The following EMILIN2 variants were observed in gnomAD, a reference collection of about 807,000 sequenced individuals.
The protein encoded by EMILIN2 is elastin microfibril interfacer 2.
Under a neutral mutation model 87.1 loss-of-function variants are expected in EMILIN2, and 71 were observed. The observed-to-expected ratio is 0.82, with a 90% CI of 0.67 to 0.99. EMILIN2 has a LOEUF of 0.99. Ranked by LOEUF, EMILIN2 falls within the 50% of genes least tolerant of loss-of-function variation. The pLI, the probability that EMILIN2 is intolerant of heterozygous loss-of-function variation, is 0.00. For synonymous variants in EMILIN2, 581 were observed against 563.4 expected (o/e 1.03, Z -0.44); for missense variants, 1,407 against 1,371.8 (o/e 1.03, Z -0.40).
chr18:2,902,775 C>T (rs1481805658), intron 4 of EMILIN2, among the ~76,000 whole-genome samples: 2 of 152,066 alleles, frequency 1.3e-5, no homozygotes, highest in East Asian at 3.9e-4. Flanking sequence ...ATGAAGGATC[C>T]AAGCAATATT....
intron 4 of EMILIN2, among the ~76,000 whole-genome samples, chr18:2,905,780 T>TG (rs1160071409): frequency 6.3e-4 from 72 of 113,428 alleles, no homozygotes; most frequent in African/African-American, 2.8e-3. Context: ...TTTTTGTTTT[T>TG]TTGTTTTTTT....
At chr18:2,908,000 G>A (rs1198581145) in intron 5 of EMILIN2, among the ~76,000 whole-genome samples, 2 of 152,208 alleles carry the variant, frequency 1.3e-5, no homozygotes, top group Non-Finnish European at 2.9e-5. Context: ...GGCCCCTGAT[G>A]CCCACGGCTG....
intron 2 of EMILIN2, among the ~76,000 whole-genome samples, chr18:2,857,020 G>C (rs1340330757): frequency 6.6e-6 from 1 of 152,166 alleles, no homozygotes; most frequent in East Asian, 1.9e-4. Flanking sequence ...CAAATTCCTG[G>C]TTCGAAAATG....
Position 2,915,519 on chromosome 18 carries a change from A to G in EMILIN2, c.*2115A>G, listed in dbSNP as rs930467622. 9 of 137,656 alleles carry G rather than the reference A, an allele frequency of 6.5e-5. No individual in the cohort carries two copies. The highest frequency in any genetic ancestry group is 2.3e-4 in the African/African-American group (9 of 38,658). 8.5% of individuals were successfully genotyped at this position (137,656 alleles called of 1,614,324 possible). A position where few individuals can be genotyped will look rare whatever the true frequency, so the allele number is the denominator to read the frequency against. ...CTGAGACAGAATCAGGCACAAGTTC[A>G]CAACTTTTTTTTTTTTTTGGGGGGA... is the stretch of plus-strand genomic sequence containing the variant. On this transcript the variant is annotated 3_prime_UTR_variant, in exon 8 of 8. Transcript: ENST00000254528.
intron 4 of EMILIN2, among the ~76,000 whole-genome samples, chr18:2,900,265 A>G (rs1959773801): frequency 6.6e-6 from 1 of 152,220 alleles, no homozygotes; most frequent in South Asian, 2.1e-4. Context: ...ATATCTCACT[A>G]CAGCCTTGAA....
Position 2,904,192 on chromosome 18 carries a change from T to C in EMILIN2, c.2360-2591T>C, listed in dbSNP as rs75504566. Among the ~76,000 whole-genome samples the C allele has an allele frequency of 6.1e-3, 923 of 152,372 alleles. 9 individuals are homozygous for C. Among genetic ancestry groups the C allele is most frequent in the African/African-American group, 0.021 (878 of 41,580 alleles). On this transcript the variant is annotated intron_variant, in intron 4 of 7. Transcript: ENST00000254528. Reference sequence around the variant, plus strand: ...CCAATACTGTTGAGAAGCCTGGTGATGCCTTCCTGATTTGCAGTCACTTTT... The same window carrying C: ...CCAATACTGTTGAGAAGCCTGGTGACGCCTTCCTGATTTGCAGTCACTTTT...
chr18:2,874,685 C>G (rs2076738748), intron 2 of EMILIN2, among the ~76,000 whole-genome samples: 1 of 152,136 alleles, frequency 6.6e-6, no homozygotes, highest in African/African-American at 2.4e-5. Flanking sequence ...AAATTTGAAA[C>G]TAGGTTATAA....
chr18:2,885,088 A>G lies in EMILIN2; in HGVS notation c.382A>G (p.Thr128Ala), dbSNP rs1568470229. The G allele has an allele frequency of 1.2e-6, 2 of 1,613,186 alleles. No individual in the cohort carries two copies. The highest frequency in any genetic ancestry group is 2.2e-5 in the South Asian group (2 of 90,884). ...CQEGPKDPVK[T>A]LRPTPARPRN... ...AGAAGGTCCCAAAGACCCCGTGAAG[A>G]CCCTCCGCCCCACGCCGGCTCGGCC... Residue 128 changes from threonine (T) to alanine (A), a missense_variant, in exon 3 of 8, where the codon ACC (threonine) becomes GCC (alanine). Coordinates refer to ENST00000254528, the MANE Select transcript of EMILIN2 (RefSeq NM_032048.3).
rs767570344 is a variant in EMILIN2 at position 2,847,927 on chromosome 18, C to T, written c.253C>T (p.Leu85=). Reference sequence around the variant, plus strand: ...GAACCAGATGCCCTGTCCGTCGGCGCTGGTGTAAGTCCTGGAGCCGGGGAG... The same window carrying T: ...GAACCAGATGCCCTGTCCGTCGGCGTTGGTGTAAGTCCTGGAGCCGGGGAG... ...AWNQMPCPSA[L]VYRVNFRPRY... The change falls in exon 2 of 8, where the codon CTG becomes TTG. Residue 85 remains leucine (L), a synonymous_variant. Coordinates refer to ENST00000254528, the MANE Select transcript of EMILIN2 (RefSeq NM_032048.3). This position sits in a 1 kb window ranked among gnomAD's most constrained non-coding sequence, Gnocchi z 4.5. 1.3e-6 allele frequency: 2 copies of T among 1,592,302 alleles called. No individual in the cohort carries two copies. Among genetic ancestry groups the T allele is most frequent in the South Asian group, 2.2e-5 (2 of 90,814 alleles).
At chr18:2,892,926 C>T (rs1383154450) in intron 4 of EMILIN2, among the ~76,000 whole-genome samples, 1 of 150,850 alleles carries the variant, frequency 6.6e-6, no homozygotes, top group African/African-American at 2.4e-5. Context: ...GTGGCACGCG[C>T]CTGTAGTCCC....
chr18:2,913,048 T>C lies in EMILIN2; in HGVS notation c.2825-19T>C, dbSNP rs760782367. The C allele has an allele frequency of 6.2e-7, 1 of 1,604,086 alleles. No individual in the cohort carries two copies. The highest frequency in any genetic ancestry group is 1.3e-5 in the African/African-American group (1 of 74,742). The stretch of plus-strand genomic sequence containing the variant: ...GTGACGACAGCAGGTGAGCACAGGG[T>C]TTGCCTTTCTCCCCGCAGGGGTCTT... On this transcript the variant is annotated intron_variant, in intron 7 of 7. Coordinates refer to ENST00000254528, the MANE Select transcript of EMILIN2 (RefSeq NM_032048.3).
chr18:2,866,354 C>A (rs991201156), intron 2 of EMILIN2, among the ~76,000 whole-genome samples: 6 of 152,332 alleles, frequency 3.9e-5, no homozygotes, highest in African/African-American at 1.2e-4. Context: ...TCTATGATTT[C>A]TTTCAGCAGT....
In EMILIN2 at chr18:2,907,095, G is replaced by A. The variant is rs902106484; in HGVS notation, c.2662+10G>A. ...TTCGCGGGCGCACCAGGTGAGGCCC[G>A]GGGCTGCGCGGGGAGGAGCGCGGGG... is the stretch of plus-strand genomic sequence containing the variant. On this transcript the variant is annotated intron_variant, in intron 5 of 7. Coordinates refer to ENST00000254528, the MANE Select transcript of EMILIN2 (RefSeq NM_032048.3). The A allele has an allele frequency of 1.4e-5, 17 of 1,235,466 alleles. No homozygotes were observed. The African/African-American group carries it at 2.3e-4, about 17-fold the overall frequency. The allele number at this position is 1,235,466 out of a possible 1,614,324, so 76.5% of individuals were successfully genotyped here. A position where few individuals can be genotyped will look rare whatever the true frequency, so the allele number is the denominator to read the frequency against.
intron 2 of EMILIN2, among the ~76,000 whole-genome samples, chr18:2,856,267 A>G (rs1319033241): frequency 1.3e-5 from 2 of 152,200 alleles, no homozygotes; most frequent in Non-Finnish European, 2.9e-5. Context: ...TAGAAATTGC[A>G]CTGGAAGCCG....
At chr18:2,866,531 T>A (rs1024098326) in intron 2 of EMILIN2, among the ~76,000 whole-genome samples, 2 of 152,258 alleles carry the variant, frequency 1.3e-5, no homozygotes, top group Non-Finnish European at 2.9e-5. Flanking sequence ...AACTACTGAT[T>A]TGTGTACATT....
At chr18:2,867,552 C>G (rs1047653136) in intron 2 of EMILIN2, among the ~76,000 whole-genome samples, 7 of 152,120 alleles carry the variant, frequency 4.6e-5, no homozygotes, top group East Asian at 1.9e-4. Context: ...GGTGATGACT[C>G]TCAACGAGCA....
At chr18:2,895,954 C>A (rs1598501711) in intron 4 of EMILIN2, among the ~76,000 whole-genome samples, 1 of 152,164 alleles carries the variant, frequency 6.6e-6, no homozygotes, top group Admixed American at 6.5e-5. Context: ...CGGGAACACA[C>A]ACTGTGGTGT....
At chr18:2,872,135 A>G (rs548480127) in intron 2 of EMILIN2, among the ~76,000 whole-genome samples, 1 of 152,338 alleles carries the variant, frequency 6.6e-6, no homozygotes, top group South Asian at 2.1e-4. Context: ...TAATTGCTTC[A>G]TATTGAATAC....
chr18:2,885,122 G>C lies in EMILIN2; in HGVS notation c.416G>C (p.Ser139Thr). 6.2e-7 allele frequency: 1 copy of C among 1,605,580 alleles called. No homozygotes were observed. The highest frequency in any genetic ancestry group is 8.5e-7 in the Non-Finnish European group (1 of 1,176,970). ...LRPTPARPRN[S>T]LKKATDNEPS... Reference sequence around the variant, plus strand: ...CCCACGCCGGCTCGGCCTCGAAACAGCTTGAAGAAAGCCACAGGTAACTTC... The same window carrying C: ...CCCACGCCGGCTCGGCCTCGAAACACCTTGAAGAAAGCCACAGGTAACTTC... The change falls in exon 3 of 8, where the codon AGC (serine) becomes ACC (threonine). Residue 139 changes from serine (S) to threonine (T), a missense_variant. Ser to Thr is a moderately conservative substitution (Grantham distance 58). Transcript: ENST00000254528.
Sources: allele counts gnomAD v4.1 joint callset (sites outside exome capture counted in the v4.1 genomes callset), GRCh38; gene constraint gnomAD v4.1.1; non-coding constraint Gnocchi (gnomAD v3.1); transcripts MANE v1.5; gene names NCBI Gene and HGNC (gene_info 2026-07-23, HGNC 2026-07-21).